The following RBFOX1 variants were observed in gnomAD, a reference collection of about 807,000 sequenced individuals.
RBFOX1 encodes RNA binding fox-1 homolog 1, also known as RNA binding protein fox-1 homolog 1.
Under a neutral mutation model 57.7 loss-of-function variants are expected in RBFOX1, and 8 were observed. That is an observed-to-expected ratio of 0.14 (90% CI 0.08 to 0.25). RBFOX1 has a LOEUF of 0.25. Among genes scored for constraint, RBFOX1 ranks in the 10% least tolerant of loss-of-function variants. The probability of loss-of-function intolerance (pLI) is 1.00; values close to 1 mark genes in which losing one functional copy is unlikely to be tolerated. For synonymous variants in RBFOX1, 326 were observed against 222.4 expected, an observed-to-expected ratio of 1.47 and a Z score of -4.15; for missense variants, 611 against 548.5, an observed-to-expected ratio of 1.11 and a Z score of -1.14.
chr16:7,190,316 A>G (rs76955517), intron 4 of RBFOX1, among the ~76,000 whole-genome samples: 37,346 of 152,136 alleles, frequency 0.25, 4,967 homozygotes, highest in East Asian at 0.38. Context: ...CTGAGATCAC[A>G]CCACCGTACT....
intron 3 of RBFOX1, among the ~76,000 whole-genome samples, chr16:5,644,441 T>C (rs2048982026): frequency 1.3e-5 from 2 of 152,172 alleles, no homozygotes; most frequent in South Asian, 2.1e-4. Flanking sequence ...TTAAAGGCGC[T>C]TGGGCTCCAG....
intron 2 of RBFOX1, among the ~76,000 whole-genome samples, chr16:6,625,869 G>C (rs532329221): frequency 4.6e-5 from 7 of 152,142 alleles, no homozygotes; most frequent in Non-Finnish European, 8.8e-5. Context: ...CATTGTTGTT[G>C]GGGATTCTTA....
intron 1 of RBFOX1, among the ~76,000 whole-genome samples, chr16:6,106,157 C>G (rs1166960792): frequency 6.6e-6 from 1 of 152,028 alleles, no homozygotes; most frequent in African/African-American, 2.4e-5. Flanking sequence ...ACTTCTTTAT[C>G]AAGAATCAGG....
intron 4 of RBFOX1, among the ~76,000 whole-genome samples, chr16:7,204,192 C>G (rs1384469869): frequency 1.3e-5 from 2 of 152,194 alleles, no homozygotes; most frequent in East Asian, 1.9e-4. Flanking sequence ...TTCCAATGAT[C>G]CATTCTCAAT....
At chr16:6,103,675 C>T (rs182316707) in intron 1 of RBFOX1, among the ~76,000 whole-genome samples, 2 of 152,098 alleles carry the variant, frequency 1.3e-5, no homozygotes, top group African/African-American at 4.8e-5. Flanking sequence ...AGCCACTGAG[C>T]TAAGGATCTG....
rs144793722 is a variant in RBFOX1, at chr16:6,104,423, G to A, written c.-127+84431G>A. On this transcript the variant is annotated intron_variant, in intron 1 of 15. Coordinates refer to ENST00000550418, the MANE Select transcript of RBFOX1 (RefSeq NM_018723.4). ...ATATTCAAAGTAGGTTTTTAAAATG[G>A]TTTTATAGAGGTATAATTTATATAA... Among the ~76,000 whole-genome samples the A allele has an allele frequency of 2.6e-3, 395 of 152,194 alleles. 2 individuals are homozygous for A. Among genetic ancestry groups the A allele is most frequent in the African/African-American group, 9.3e-3 (385 of 41,526 alleles).
chr16:5,598,368 G>A (rs1431156262), intron 2 of RBFOX1, among the ~76,000 whole-genome samples: 3 of 152,122 alleles, frequency 2.0e-5, no homozygotes, highest in Admixed American at 1.3e-4. Context: ...AGAAACATCC[G>A]GACCAGCACT....
chr16:5,752,933 G>C (rs1567493298), intron 3 of RBFOX1, among the ~76,000 whole-genome samples: 1 of 152,064 alleles, frequency 6.6e-6, no homozygotes, highest in Admixed American at 6.5e-5. Context: ...AGGATCGCTT[G>C]AGCCTAGGAG....
At chr16:7,369,310 G>T (rs1345043619) in intron 4 of RBFOX1, among the ~76,000 whole-genome samples, 13 of 152,102 alleles carry the variant, frequency 8.5e-5, no homozygotes, top group Admixed American at 8.5e-4. Context: ...AAAGCCTGTT[G>T]TTGCATGCTT....
At chr16:6,848,994 C>G (rs1467033395) in intron 3 of RBFOX1, among the ~76,000 whole-genome samples, 1 of 152,178 alleles carries the variant, frequency 6.6e-6, no homozygotes, top group Non-Finnish European at 1.5e-5. Context: ...GTCCTGATTC[C>G]AAAGCACGTT....
chr16:7,407,133 T>C (rs1322017823), intron 4 of RBFOX1, among the ~76,000 whole-genome samples: 3 of 152,086 alleles, frequency 2.0e-5, no homozygotes, highest in Admixed American at 2.0e-4. Flanking sequence ...CCTTTAGTGG[T>C]GATTTGTGCG....
intron 14 of RBFOX1, among the ~76,000 whole-genome samples, chr16:7,699,403 G>A (rs916915436): frequency 9.9e-5 from 15 of 152,120 alleles, no homozygotes; most frequent in African/African-American, 3.1e-4. Flanking sequence ...TATTGCCCAG[G>A]CTGATCTCAA....
At chr16:5,836,188 C>G (rs1335428675) in intron 3 of RBFOX1, among the ~76,000 whole-genome samples, 1 of 152,154 alleles carries the variant, frequency 6.6e-6, no homozygotes, top group Non-Finnish European at 1.5e-5. Context: ...GGGACATGGG[C>G]TCTGCAGCTG....
intron 3 of RBFOX1, among the ~76,000 whole-genome samples, chr16:5,625,595 T>A (rs1397082844): frequency 1.3e-5 from 2 of 151,550 alleles, no homozygotes; most frequent in African/African-American, 2.4e-5. Context: ...TTTTGCTCTG[T>A]CACCCCGGCT....
At chr16:7,619,212 C>T (rs1398048019) in intron 10 of RBFOX1, among the ~76,000 whole-genome samples, 5 of 151,872 alleles carry the variant, frequency 3.3e-5, no homozygotes, top group Admixed American at 3.3e-4. Context: ...CTGATATTTC[C>T]TCTGGAGAAA....
In RBFOX1 at chr16:7,197,986, T is replaced by TTTTCTTTCTTTC. The variant is rs1208024501; in HGVS notation, c.27+145892_27+145903dup. Among the ~76,000 whole-genome samples, 46 of 120,362 alleles carry TTTTCTTTCTTTC rather than the reference T, an allele frequency of 3.8e-4. 1 individual carries two copies. Among genetic ancestry groups the TTTTCTTTCTTTC allele is most frequent in the South Asian group, 1.1e-3 (4 of 3,616 alleles). The allele number at this position is 120,362 out of a possible 152,430, so 79.0% of individuals were successfully genotyped here. A position where few individuals can be genotyped will look rare whatever the true frequency, so the allele number is the denominator to read the frequency against. On this transcript the variant is annotated intron_variant, in intron 4 of 15. Coordinates refer to ENST00000550418, the MANE Select transcript of RBFOX1 (RefSeq NM_018723.4). ...GTTCCACTCAGCTCATACCTTGTGGTTTTCTTTCTTTCTTTTTTTTTTTTT... is the reference window on the plus strand; with the variant it reads ...GTTCCACTCAGCTCATACCTTGTGGTTTTCTTTCTTTCTTTCTTTCTTTCTTTTTTTTTTTTT...
At chr16:7,418,853 G>A (rs1212469044) in intron 4 of RBFOX1, among the ~76,000 whole-genome samples, 1 of 150,096 alleles carries the variant, frequency 6.7e-6, no homozygotes, top group Non-Finnish European at 1.5e-5. Flanking sequence ...GGAAGGCATT[G>A]ACTCTTCCAG....
chr16:5,260,195 C>T (rs2062699447), intron 1 of RBFOX1, among the ~76,000 whole-genome samples: 1 of 152,072 alleles, frequency 6.6e-6, no homozygotes, highest in Admixed American at 6.6e-5. Context: ...TGTTTAACCA[C>T]CACCAAAATG....
chr16:6,854,682 C>T (rs988287267), intron 3 of RBFOX1, among the ~76,000 whole-genome samples: 1 of 147,728 alleles, frequency 6.8e-6, no homozygotes, highest in African/African-American at 2.5e-5. Flanking sequence ...GCAAGCTCCG[C>T]CTCCTGGGTT....
Sources: allele counts gnomAD v4.1 joint callset (sites outside exome capture counted in the v4.1 genomes callset), GRCh38; gene constraint gnomAD v4.1.1; transcripts MANE v1.5; gene names NCBI Gene and HGNC (gene_info 2026-07-23, HGNC 2026-07-21).